The following TOP2A variants were observed in gnomAD, a reference collection of about 807,000 sequenced individuals.
TOP2A encodes the protein DNA topoisomerase II alpha, also known as DNA topoisomerase 2-alpha.
In TOP2A, 68 loss-of-function variants were observed where a neutral mutation model predicts 187.2. The observed-to-expected ratio is 0.36, with a 90% CI of 0.30 to 0.44. The LOEUF (loss-of-function observed/expected upper bound fraction) is 0.44, where lower values mean the gene tolerates loss of function less well. Ranked by LOEUF, TOP2A falls within the 20% of genes least tolerant of loss-of-function variation. The probability of loss-of-function intolerance (pLI) is 1.00; values close to 1 mark genes in which losing one functional copy is unlikely to be tolerated. For missense variants in TOP2A, 1,196 were observed against 1,808.7 expected, an observed-to-expected ratio of 0.66 and a Z score of 6.14; for synonymous variants, 542 against 593.2, an observed-to-expected ratio of 0.91 and a Z score of 1.25.
intron 33 of TOP2A, 56 bp downstream of exon 33, chr17:40,391,450 C>G (rs933648042): frequency 1.8e-5 from 27 of 1,514,158 alleles, no homozygotes; most frequent in Non-Finnish European, 2.4e-5. Context: ...GAAATAGACA[C>G]GTGGAAACCA....
chr17:40,389,404 C>G lies in TOP2A; in HGVS notation c.*115G>C. The G allele has an allele frequency of 7.9e-7, 1 of 1,268,960 alleles. No homozygotes were observed. Among genetic ancestry groups the G allele is most frequent in the Non-Finnish European group, 1.1e-6 (1 of 935,348 alleles). The allele number at this position is 1,268,960 out of a possible 1,614,324, so 78.6% of individuals were successfully genotyped here. A position where few individuals can be genotyped will look rare whatever the true frequency, so the allele number is the denominator to read the frequency against. On this transcript the variant is annotated 3_prime_UTR_variant, in exon 35 of 35. Transcript: ENST00000423485. The stretch of plus-strand genomic sequence containing the variant: ...CTTTACTTCACTTTGATGTCTTGTA[C>G]TAAAAACACCTTCCCCAAACTAAAT...
intron 1 of TOP2A, 90 bp downstream of exon 1, chr17:40,417,681 G>A (rs2143699486): frequency 1.3e-6 from 2 of 1,592,132 alleles, no homozygotes; most frequent in Non-Finnish European, 1.7e-6. Context: ...CGGCCTGACC[G>A]CAGCCCCAGA....
At chr17:40,413,148 A>G in intron 6 of TOP2A, 47 bp downstream of exon 6, 1 of 1,397,612 alleles carries the variant, frequency 7.2e-7, no homozygotes, top group East Asian at 2.5e-5. Flanking sequence ...ATAAATGGCT[A>G]TACTACTACC....
rs763781122 is a variant in TOP2A, at chr17:40,396,379, A to C, written c.3624T>G (p.Ala1208=). The change falls in exon 28 of 35, where the codon GCT becomes GCG. Residue 1208 remains alanine (A), a synonymous_variant. Transcript: ENST00000423485. ...GKAKGKKTQM[A]EVLPSPRGQR... is the part of the protein sequence containing the mutation. Reference sequence around the variant, plus strand: ...GACCACGCGGAGAAGGCAAAACTTCAGCCATTTGTGTTTTTTTCCCCTTGG... The same window carrying C: ...GACCACGCGGAGAAGGCAAAACTTCCGCCATTTGTGTTTTTTTCCCCTTGG... The C allele has an allele frequency of 6.2e-7, 1 of 1,613,856 alleles. No homozygotes were observed. Among genetic ancestry groups the C allele is most frequent in the Non-Finnish European group, 8.5e-7 (1 of 1,179,890 alleles).
intron 11 of TOP2A, 89 bp from the exon 12 acceptor site, chr17:40,408,213 A>G: frequency 1.8e-6 from 2 of 1,096,022 alleles, no homozygotes; most frequent in East Asian, 2.6e-5. Flanking sequence ...GCCTTGTGAT[A>G]AAACACAATT....
chr17:40,389,959 A>G lies in TOP2A; in HGVS notation c.4467+6T>C, dbSNP rs766883597. 1.2e-5 allele frequency: 19 copies of G among 1,611,644 alleles called. No homozygotes were observed. The East Asian group carries it at 3.8e-4, about 32-fold the overall frequency. The stretch of plus-strand genomic sequence containing the variant: ...AGCAAAAGGACTGACTAGGATCAAC[A>G]CTCACCTTGCTTGTGACTGCTTTCG... On this transcript the variant is annotated splice_donor_region_variant and intron_variant, in intron 34 of 34. Coordinates refer to ENST00000423485, the MANE Select transcript of TOP2A (RefSeq NM_001067.4).
At chr17:40,389,921 T>G in intron 34 of TOP2A, 44 bp downstream of exon 34, 1 of 1,559,404 alleles carries the variant, frequency 6.4e-7, no homozygotes, top group Non-Finnish European at 8.7e-7. Flanking sequence ...GTTACGTGTT[T>G]CAGAACATCT....
At chr17:40,408,665 T>C (rs1279671495) in intron 10 of TOP2A, 35 bp from the exon 11 acceptor site, 4 of 1,606,628 alleles carry the variant, frequency 2.5e-6, no homozygotes, top group Non-Finnish European at 3.4e-6. Flanking sequence ...GGGATCATAT[T>C]AGGGAAGAAG....
chr17:40,413,037 A>G, intron 6 of TOP2A, 66 bp from the exon 7 acceptor site: 1 of 1,406,242 alleles, frequency 7.1e-7, no homozygotes, highest in Non-Finnish European at 9.8e-7. Context: ...AGTAAATAAC[A>G]TAAATTTATG....
At position 40,416,458 on chromosome 17, in the gene TOP2A, C is replaced by CA; in HGVS notation, c.231dup (p.Val78CysfsTer9). On this transcript the variant is annotated frameshift_variant, in exon 3 of 35. Coordinates refer to ENST00000423485, the MANE Select transcript of TOP2A (RefSeq NM_001067.4). LOFTEE classifies it high-confidence loss of function. Reference sequence around the variant, plus strand: ...TCAAAGATTTTGTACAAACCAGGAACAAAAGTGACTTCCCTATAGTTAATG... The same window carrying CA: ...TCAAAGATTTTGTACAAACCAGGAACAAAAAGTGACTTCCCTATAGTTAATG... 2 of 1,603,566 alleles carry CA rather than the reference C, an allele frequency of 1.2e-6. No individual in the cohort carries two copies. The highest frequency in any genetic ancestry group is 2.2e-5 in the South Asian group (2 of 89,330).
chr17:40,406,910 C>G lies in TOP2A; in HGVS notation c.1659G>C (p.Leu553=). 1 of 1,603,660 alleles carries G rather than the reference C, an allele frequency of 6.2e-7. No individual in the cohort carries two copies. Among genetic ancestry groups the G allele is most frequent in the Non-Finnish European group, 8.5e-7 (1 of 1,174,422 alleles). The change falls in exon 14 of 35, where the codon CTG becomes CTC. Residue 553 remains leucine, a synonymous_variant. Coordinates refer to ENST00000423485, the MANE Select transcript of TOP2A (RefSeq NM_001067.4). ...GCCAGTTGTGATGGATAAAATTAAT[C>G]AGCAAGCCTTTGATGTGGGAACCAT... ...DQDGSHIKGL[L]INFIHHNWPS... is the part of the protein sequence containing the mutation.
Position 40,411,561 on chromosome 17 carries a change from T to G in TOP2A, c.963+84A>C, listed in dbSNP as rs2035322552. On this transcript the variant is annotated intron_variant, in intron 8 of 34. Transcript: ENST00000423485. This position sits in a 1 kb window ranked among gnomAD's most constrained non-coding sequence, Gnocchi z 4.4. ...CCTTTATACTAAGCTAGCCCAATAT[T>G]CAAGTCCACTTTATATATTAAAAAC... 1.3e-6 allele frequency: 2 copies of G among 1,547,498 alleles called. No individual in the cohort carries two copies. Among genetic ancestry groups the G allele is most frequent in the Middle Eastern group, 1.7e-4 (1 of 5,934 alleles).
In TOP2A at chr17:40,389,355, ATAAAAAGC is replaced by A; in HGVS notation, c.*156_*163del. On this transcript the variant is annotated 3_prime_UTR_variant, in exon 35 of 35. Transcript: ENST00000423485. ...AGATGGTCACTATTTAGACAGTATT[ATAAAAAGC>A]TAAAGAACACTTGGGCTTTACTTCA... 6 of 691,950 alleles carry A rather than the reference ATAAAAAGC, an allele frequency of 8.7e-6. No homozygotes were observed. Among genetic ancestry groups the A allele is most frequent in the Non-Finnish European group, 1.4e-5 (6 of 432,018 alleles). The allele number at this position is 691,950 out of a possible 1,614,324, so 42.9% of individuals were successfully genotyped here.
At chr17:40,389,824 TA>T in intron 34 of TOP2A, 140 bp downstream of exon 34, 3 of 1,248,140 alleles carry the variant, frequency 2.4e-6, no homozygotes, top group Non-Finnish European at 3.3e-6. Context: ...TTAACTTTGT[TA>T]AAACTAAATA....
At chr17:40,398,383 C>T (rs969800501) in intron 27 of TOP2A, among the ~76,000 whole-genome samples, 175 bp downstream of exon 27, 3 of 151,992 alleles carry the variant, frequency 2.0e-5, no homozygotes, top group Non-Finnish European at 2.9e-5. Context: ...GGATTACCAG[C>T]GTGAGCCACT....
intron 4 of TOP2A, 23 bp downstream of exon 4, chr17:40,415,982 C>G: frequency 7.8e-6 from 12 of 1,545,586 alleles, no homozygotes; most frequent in Non-Finnish European, 9.7e-6. Context: ...AGCTACATAA[C>G]AAAAACTAAG....
Position 40,399,105 on chromosome 17 carries a change from T to C in TOP2A, c.3223A>G (p.Lys1075Glu). Residue 1075 changes from lysine to glutamate, a missense_variant, in exon 25 of 35, where the codon AAA becomes GAA. Physicochemically the swap from Lys to Glu is moderately conservative, Grantham distance 56 (BLOSUM62 1). Transcript: ENST00000423485. ...IENKPKKELI[K>E]VLIQRGYDSD... ...TCATATCCCCTCTGAATCAGAACTT[T>C]AATTAATTCTTTCTTAGGCTTATTT... 6.4e-7 allele frequency: 1 copy of C among 1,566,930 alleles called. No individual in the cohort carries two copies. The highest frequency in any genetic ancestry group is 1.4e-5 in the African/African-American group (1 of 73,888).
rs2035174199 is a variant in TOP2A, at chr17:40,401,058, G to A, written c.2456C>T (p.Pro819Leu). ...MLSSLARLLFPPKDDHTLKFL... is the reference protein window; with the variant it reads ...MLSSLARLLFLPKDDHTLKFL... Reference sequence around the variant, plus strand: ...CTTCAACGTGTGATCATCTTTTGGTGGAAATAACAATCGAGCCAAAGAGCT... The same window carrying A: ...CTTCAACGTGTGATCATCTTTTGGTAGAAATAACAATCGAGCCAAAGAGCT... The change falls in exon 21 of 35, where the codon CCA becomes CTA. Residue 819 changes from proline to leucine, a missense_variant. Pro to Leu is a moderately conservative substitution (Grantham distance 98). Coordinates refer to ENST00000423485, the MANE Select transcript of TOP2A (RefSeq NM_001067.4). The A allele has an allele frequency of 1.2e-6, 2 of 1,613,136 alleles. No homozygotes were observed. The highest frequency in any genetic ancestry group is 1.3e-5 in the African/African-American group (1 of 74,874).
chr17:40,400,473 T>C lies in TOP2A; in HGVS notation c.2799+56A>G. The C allele has an allele frequency of 2.5e-6, 4 of 1,600,888 alleles. No individual in the cohort carries two copies. The South Asian group carries it at 4.5e-5, about 18-fold the overall frequency. ...GCTTCTGAATAGTCAACAGCAATAG[T>C]ACAAAAGGTATTTCTTTTGATCACA... On this transcript the variant is annotated intron_variant, in intron 22 of 34. Transcript: ENST00000423485.
Sources: gnomAD v4.1 joint callset for allele counts (sites outside exome capture counted in the v4.1 genomes callset) on GRCh38, gnomAD v4.1.1 for gene constraint, Gnocchi (gnomAD v3.1) non-coding constraint, MANE v1.5 for transcripts, NCBI Gene and HGNC (gene_info 2026-07-23, HGNC 2026-07-21) for gene names.